Variants in SCYL1 observed in about 807,000 individuals in gnomAD.
SCYL1 encodes the protein N-terminal kinase-like protein.
In SCYL1, 85 loss-of-function variants were observed where a neutral mutation model predicts 94.8. The ratio of observed to expected loss-of-function variants is 0.90; its 90% CI spans 0.75 to 1.07. The LOEUF is 1.07. SCYL1 is among the 50% of genes least tolerant of loss of function. SCYL1 has a pLI of 0.00. For missense variants in SCYL1, 968 were observed against 1,083.3 expected (o/e 0.89, Z 1.49); for synonymous variants, 459 against 435.5 (o/e 1.05, Z -0.67).
rs777966445 is a variant in SCYL1 at position 65,537,806 on chromosome 11, C to T, written c.1960-3C>T. 2.1e-5 allele frequency: 32 copies of T among 1,556,584 alleles called. No homozygotes were observed. In the South Asian group the frequency reaches 3.3e-4, roughly 16 times the overall value. ...GAGTCAGTGGTCCCTTCCCACACTG[C>T]AGCAGGAGGCCGAGTCTGTGCTGGC... On this transcript the variant is annotated splice_region_variant and splice_polypyrimidine_tract_variant and intron_variant, in intron 14 of 17. Coordinates refer to ENST00000270176, the MANE Select transcript of SCYL1 (RefSeq NM_020680.4).
At chr11:65,530,890 T>A (rs1855329535) in intron 7 of SCYL1, 103 bp downstream of exon 7, 1 of 1,313,342 alleles carries the variant, frequency 7.6e-7, no homozygotes, top group African/African-American at 1.5e-5. Flanking sequence ...CCCAAGCCCA[T>A]ATGAGCAGGA....
chr11:65,530,818 G>T, intron 7 of SCYL1, 31 bp downstream of exon 7: 1 of 1,584,840 alleles, frequency 6.3e-7, no homozygotes. Flanking sequence ...CAGAAGGCTG[G>T]CTGGGTGCAC....
Position 65,537,978 on chromosome 11 carries a change from C to T in SCYL1, c.2043C>T (p.Ser681=). The part of the protein sequence containing the change: ...QVSRASQVSN[S]DHKSSKSPES... ...CCGCTCTTCTACAGGTCAGCAACTC[C>T]GACCACAAATCCTCCAAATCCCCAG... Residue 681 remains serine (S), a synonymous_variant, in exon 16 of 18, where the codon TCC becomes TCT. Coordinates refer to ENST00000270176, the MANE Select transcript of SCYL1 (RefSeq NM_020680.4). 3.7e-6 allele frequency: 6 copies of T among 1,611,064 alleles called. No individual in the cohort carries two copies. Among genetic ancestry groups the T allele is most frequent in the South Asian group, 1.1e-5 (1 of 90,628 alleles).
intron 6 of SCYL1, among the ~76,000 whole-genome samples, chr11:65,527,731 CAAAAAAAAAAAA>C: frequency 1.1e-5 from 1 of 88,672 alleles, no homozygotes; most frequent in East Asian, 3.6e-4. Flanking sequence ...GACTTCGTCT[CAAAAAAAAAAAA>C]AAAAAAAAGA....
chr11:65,537,732 G>GTGCTCTTGCACAGCAGCCCGC, intron 14 of SCYL1, 77 bp from the exon 15 acceptor site: 1 of 1,299,656 alleles, frequency 7.7e-7, no homozygotes, highest in Non-Finnish European at 1.0e-6. Context: ...TGGGGCCCGT[G>GTGCTCTTGCACAGCAGCCCGC]GCTGGGATGA....
At chr11:65,527,529 A>T (rs1303901814) in intron 6 of SCYL1, among the ~76,000 whole-genome samples, 1 of 151,748 alleles carries the variant, frequency 6.6e-6, no homozygotes, top group African/African-American at 2.4e-5. Context: ...ACCTGAGGTC[A>T]GGAATTCGAC....
At position 65,538,512 on chromosome 11, in the gene SCYL1, C is replaced by G. The variant is rs781704984; in HGVS notation, c.2373C>G (p.Ala791=). Residue 791 remains alanine, a synonymous_variant, in exon 18 of 18, where the codon GCC becomes GCG. Transcript: ENST00000270176. The part of the protein sequence containing the change: ...ERRREMEAKR[A]ERKVAKGPMK... ...GGCGGGAGATGGAGGCCAAACGCGC[C>G]GAGAGGAAGGTGGCCAAGGGCCCCA... is the stretch of plus-strand genomic sequence containing the variant. 14 of 1,608,722 alleles carry G rather than the reference C, an allele frequency of 8.7e-6. No homozygotes were observed. Among genetic ancestry groups the G allele is most frequent in the Admixed American group, 1.7e-5 (1 of 59,658 alleles).
Position 65,525,149 on chromosome 11 carries a change from G to C in SCYL1, c.-5G>C. 1 of 1,336,070 alleles carries C rather than the reference G, an allele frequency of 7.5e-7. No homozygotes were observed. Among genetic ancestry groups the C allele is most frequent in the South Asian group, 1.9e-5 (1 of 51,736 alleles). 82.8% of individuals were successfully genotyped at this position (1,336,070 alleles called of 1,614,324 possible). A position where few individuals can be genotyped will look rare whatever the true frequency, so the allele number is the denominator to read the frequency against. ...GCGCCCGAACCCGCGGCGGCGGTGG[G>C]GACGATGTGGTTCTTTGCCCGGGAC... On this transcript the variant is annotated 5_prime_UTR_variant, in exon 1 of 18. Coordinates refer to ENST00000270176, the MANE Select transcript of SCYL1 (RefSeq NM_020680.4).
At position 65,537,763 on chromosome 11, in the gene SCYL1, C is replaced by T. The variant is rs1045053915; in HGVS notation, c.1960-46C>T. 2.7e-6 allele frequency: 4 copies of T among 1,478,182 alleles called. No homozygotes were observed. The South Asian group carries it at 5.4e-5, about 20-fold the overall frequency. 91.6% of individuals were successfully genotyped at this position (1,478,182 alleles called of 1,614,324 possible). ...GATGATGCTGGGGCGGGCTCACTTG[C>T]CCTTTAGCATGGGGTGGGAGTCAGT... is the stretch of plus-strand genomic sequence containing the variant. On this transcript the variant is annotated intron_variant, in intron 14 of 17. Coordinates refer to ENST00000270176, the MANE Select transcript of SCYL1 (RefSeq NM_020680.4).
chr11:65,527,263 C>A, intron 6 of SCYL1, 146 bp downstream of exon 6: 1 of 802,622 alleles, frequency 1.2e-6, no homozygotes, highest in Non-Finnish European at 2.0e-6. Context: ...CAGGCTCCAG[C>A]TCATACTTAC....
intron 15 of SCYL1, 25 bp from the exon 16 acceptor site, chr11:65,537,942 A>G (rs776407166): frequency 1.9e-6 from 3 of 1,596,236 alleles, no homozygotes; most frequent in Admixed American, 3.5e-5. Context: ...GCCCAGGGCT[A>G]CTTCCCCCTC....
At chr11:65,532,120 C>G (rs1472194219) in intron 8 of SCYL1, among the ~76,000 whole-genome samples, 1 of 152,078 alleles carries the variant, frequency 6.6e-6, no homozygotes, top group African/African-American at 2.4e-5. Flanking sequence ...GGGGTGATAC[C>G]CTCATTTATA....
At chr11:65,529,866 C>G (rs1419559981) in intron 6 of SCYL1, among the ~76,000 whole-genome samples, 1 of 152,182 alleles carries the variant, frequency 6.6e-6, no homozygotes, top group South Asian at 2.1e-4. Flanking sequence ...TTTGGACAAG[C>G]TCCTTGCCCT....
chr11:65,535,229 C>T lies in SCYL1; in HGVS notation c.1233C>T (p.Ser411=), dbSNP rs377590378. 6.9e-5 allele frequency: 111 copies of T among 1,613,882 alleles called. No homozygotes were observed. Among genetic ancestry groups the T allele is most frequent in the Non-Finnish European group, 5.3e-5 (63 of 1,179,872 alleles). The change falls in exon 10 of 18, where the codon TCC becomes TCT. Residue 411 remains serine, a splice_region_variant and synonymous_variant. Transcript: ENST00000270176. ...NPAIREQTVK[S]MLLLAPKLNE... ...TCCCACTCATTTCTGCCCCACAGTC[C>T]ATGCTGCTCCTGGCCCCAAAGCTGA...
rs759029574 is a variant in SCYL1 at position 65,538,489 on chromosome 11, C to T, written c.2350C>T (p.Arg784Trp). Reference sequence around the variant, plus strand: ...CCGGAAGAAGCGCGAGGAGCGGCGGCGGGAGATGGAGGCCAAACGCGCCGA... The same window carrying T: ...CCGGAAGAAGCGCGAGGAGCGGCGGTGGGAGATGGAGGCCAAACGCGCCGA... ...LARKKREERR[R>W]EMEAKRAERK... The change falls in exon 18 of 18, where the codon CGG (arginine) becomes TGG (tryptophan). Residue 784 changes from arginine (R) to tryptophan (W), a missense_variant. Arg to Trp is a moderately radical substitution (Grantham distance 101). Coordinates refer to ENST00000270176, the MANE Select transcript of SCYL1 (RefSeq NM_020680.4). The T allele has an allele frequency of 1.4e-5, 23 of 1,596,388 alleles. No individual in the cohort carries two copies. Among genetic ancestry groups the T allele is most frequent in the Admixed American group, 3.5e-5 (2 of 57,822 alleles).
chr11:65,526,995 C>A lies in SCYL1; in HGVS notation c.727C>A (p.Leu243Met). ...AACGCTGGTGCCCCATTACTGTGAG[C>A]TGGTGGGAGCAAACCCCAAGGTGCG... ...PKTLVPHYCE[L>M]VGANPKVRPN... The change falls in exon 6 of 18, where the codon CTG (leucine) becomes ATG (methionine). Residue 243 changes from leucine to methionine, a missense_variant. Leu to Met is a conservative substitution (Grantham distance 15). Coordinates refer to ENST00000270176, the MANE Select transcript of SCYL1 (RefSeq NM_020680.4). The surrounding 1 kb of genome is among the most constrained non-coding windows in gnomAD (Gnocchi z 4.1). 1 of 1,613,382 alleles carries A rather than the reference C, an allele frequency of 6.2e-7. No individual in the cohort carries two copies. The highest frequency in any genetic ancestry group is 8.5e-7 in the Non-Finnish European group (1 of 1,179,848).
rs762308510 is a variant in SCYL1, at chr11:65,525,933, C to T, written c.265C>T (p.Leu89Phe). The T allele has an allele frequency of 1.8e-5, 29 of 1,613,360 alleles. No individual in the cohort carries two copies. The highest frequency in any genetic ancestry group is 2.0e-5 in the Non-Finnish European group (24 of 1,179,874). ...YIDGLETEKCLHVVTEAVTPL... is the reference protein window; with the variant it reads ...YIDGLETEKCFHVVTEAVTPL... ...TCCCCTTCCCCAGACAGAAAAATGC[C>T]TCCACGTCGTGACAGAGGCTGTGAC... Residue 89 changes from leucine to phenylalanine, a missense_variant, in exon 3 of 18, where the codon CTC becomes TTC. Physicochemically the swap from Leu to Phe is conservative, Grantham distance 22. This residue lies in a region of SCYL1 where 494 missense variants were observed against 619.7 expected (regional missense o/e 0.80). Coordinates refer to ENST00000270176, the MANE Select transcript of SCYL1 (RefSeq NM_020680.4).
rs778854073 is a variant in SCYL1, at chr11:65,526,202, G to C, written c.454G>C (p.Ala152Pro). The change falls in exon 4 of 18, where the codon GCT becomes CCT. Residue 152 changes from alanine (A) to proline (P), a missense_variant. Coordinates refer to ENST00000270176, the MANE Select transcript of SCYL1 (RefSeq NM_020680.4). The surrounding 1 kb of genome is among the most constrained non-coding windows in gnomAD (Gnocchi z 4.1). Reference protein sequence around the residue: ...VCMAAVFVDRAGEWKLGGLDY... With the variant: ...VCMAAVFVDRPGEWKLGGLDY... Reference sequence around the variant, plus strand: ...CATGGCCGCCGTGTTCGTGGACCGAGCTGGCGAGTGGAAGCTTGGGGGCCT... The same window carrying C: ...CATGGCCGCCGTGTTCGTGGACCGACCTGGCGAGTGGAAGCTTGGGGGCCT... 9 of 1,613,486 alleles carry C rather than the reference G, an allele frequency of 5.6e-6. No homozygotes were observed. The highest frequency in any genetic ancestry group is 1.3e-5 in the African/African-American group (1 of 75,046).
chr11:65,536,056 T>G lies in SCYL1; in HGVS notation c.1490T>G (p.Leu497Arg). 2.5e-6 allele frequency: 4 copies of G among 1,614,168 alleles called. No individual in the cohort carries two copies. Among genetic ancestry groups the G allele is most frequent in the Non-Finnish European group, 3.4e-6 (4 of 1,180,016 alleles). ...CTGGGCTTTGCTGCCACCCACAACCTCTACTCAATGAACGACTGTGCCCAG... is the reference window on the plus strand; with the variant it reads ...CTGGGCTTTGCTGCCACCCACAACCGCTACTCAATGAACGACTGTGCCCAG... ...GVLGFAATHN[L>R]YSMNDCAQKI... is the part of the protein sequence containing the mutation. Residue 497 changes from leucine to arginine, a missense_variant, in exon 11 of 18, where the codon CTC becomes CGC. By Grantham distance (102) the Leu-to-Arg change is moderately radical. Coordinates refer to ENST00000270176, the MANE Select transcript of SCYL1 (RefSeq NM_020680.4).
Sources: gnomAD v4.1 joint callset for allele counts (sites outside exome capture counted in the v4.1 genomes callset) on GRCh38, gnomAD v4.1.1 for gene constraint, gnomAD v4.1.1 regional missense constraint, Gnocchi (gnomAD v3.1) non-coding constraint, MANE v1.5 for transcripts, NCBI Gene and HGNC (gene_info 2026-07-23, HGNC 2026-07-21) for gene names.